Variants in GOLGA6L22 observed in about 807,000 individuals in gnomAD.
GOLGA6L22 encodes the protein golgin A6 family like 22.
A neutral mutation model predicts 77.1 loss-of-function variants in GOLGA6L22; 28 were observed. The ratio of observed to expected loss-of-function variants is 0.36; its 90% CI spans 0.27 to 0.50. The LOEUF is 0.50. GOLGA6L22 is among the 20% of genes least tolerant of loss of function. The pLI is 0.97. For missense variants in GOLGA6L22, 250 were observed against 620.4 expected (o/e 0.40, Z 6.34); for synonymous variants, 62 against 185.3 (o/e 0.33, Z 5.41).
intron 5 of GOLGA6L22, among the ~76,000 whole-genome samples, chr15:22,463,435 T>C (rs1287797752): frequency 7.3e-6 from 1 of 137,620 alleles, no homozygotes; most frequent in African/African-American, 2.9e-5. Context: ...GCGGATCACC[T>C]GCGGTCAGGA....
chr15:22,461,808 T>TG (rs1887536894), intron 2 of GOLGA6L22, among the ~76,000 whole-genome samples: 1 of 118,126 alleles, frequency 8.5e-6, no homozygotes, highest in Admixed American at 8.1e-5. Flanking sequence ...ACATGACCGC[T>TG]GGGTTTGGGG....
chr15:22,463,722 T>A (rs1887594352), intron 5 of GOLGA6L22, 119 bp from the exon 6 acceptor site: 3 of 519,762 alleles, frequency 5.8e-6, no homozygotes, highest in Non-Finnish European at 1.0e-5. Flanking sequence ...TGAGAACACG[T>A]CAGGTGTGAT....
rs1328411647 is a variant in GOLGA6L22 at position 22,464,623 on chromosome 15, T to C, written c.633+252T>C. Among the ~76,000 whole-genome samples the C allele has an allele frequency of 7.6e-5, 9 of 118,472 alleles. 1 individual carries two copies. Among genetic ancestry groups the C allele is most frequent in the Admixed American group, 6.8e-4 (8 of 11,686 alleles). 77.7% of individuals were successfully genotyped at this position (118,472 alleles called of 152,430 possible). ...ATCATGGATGAAAACCATTATTTTA[T>C]AGATTACATTTATTTATTTATTTAT... On this transcript the variant is annotated intron_variant, in intron 7 of 8. Coordinates refer to ENST00000622895, the Ensembl canonical transcript of GOLGA6L22.
chr15:22,465,975 T>C, exon 8 of GOLGA6L22: 3 of 879,566 alleles, frequency 3.4e-6, no homozygotes, highest in Non-Finnish European at 4.9e-6. Context: ...GAGGAGAAGA[T>C]ACGGGAGCAG....
At position 22,466,450 on chromosome 15, in the gene GOLGA6L22, G is replaced by A. The variant is rs761302455; in HGVS notation, c.2058G>A (p.Glu686=). The change falls in exon 8 of 9, where the codon GAG becomes GAA. Residue 686 remains glutamate (E), a synonymous_variant. Transcript: ENST00000622895. ...AGGAGAAGATGCGGAGGCAGGAGGAGAAGATAAGGGAGCAGGAGAAGAAGA... is the reference window on the plus strand; with the variant it reads ...AGGAGAAGATGCGGAGGCAGGAGGAAAAGATAAGGGAGCAGGAGAAGAAGA... 8.4e-6 allele frequency: 6 copies of A among 715,636 alleles called. 1 individual carries two copies. The highest frequency in any genetic ancestry group is 7.0e-5 in the Admixed American group (3 of 42,778). The allele number at this position is 715,636 out of a possible 1,614,324, so 44.3% of individuals were successfully genotyped here. A position where few individuals can be genotyped will look rare whatever the true frequency, so the allele number is the denominator to read the frequency against.
chr15:22,466,354 G>C, exon 8 of GOLGA6L22: 1 of 1,356,826 alleles, frequency 7.4e-7, no homozygotes, highest in Non-Finnish European at 9.9e-7. Flanking sequence ...AGATGATGCA[G>C]GAACAGGAAG....
At chr15:22,459,045 C>T, upstream of GOLGA6L22, 1 of 101,882 alleles carries the variant, frequency 9.8e-6, no homozygotes, top group Non-Finnish European at 1.6e-5. Context: ...CCTCCCTACC[C>T]ATCCCCACCT....
exon 8 of GOLGA6L22, chr15:22,466,106 G>A (rs1193865793): frequency 9.7e-7 from 1 of 1,035,518 alleles, no homozygotes; most frequent in Non-Finnish European, 1.4e-6. Flanking sequence ...GAAGATACGG[G>A]AGCAGGAGGA....
exon 8 of GOLGA6L22, chr15:22,466,318 G>A: frequency 8.6e-7 from 1 of 1,165,670 alleles, no homozygotes; most frequent in South Asian, 1.4e-5. Flanking sequence ...TATGGGAGCA[G>A]GAGGAGAAGA....
chr15:22,466,889 G>A, intron 8 of GOLGA6L22, 64 bp downstream of exon 8: 1 of 444,392 alleles, frequency 2.3e-6, no homozygotes, highest in East Asian at 3.2e-5. Context: ...GCTCTTGGGG[G>A]GAGCAGGCGG....
In GOLGA6L22 at chr15:22,461,938, G is replaced by C. The variant is rs1236616105; in HGVS notation, c.181-96G>C. ...CCTGATAAACTGGTCCCATGGGTGG[G>C]CCTGTTCTGGGACAGTGGTGCCATT... On this transcript the variant is annotated intron_variant, in intron 2 of 8. Coordinates refer to ENST00000622895, the Ensembl canonical transcript of GOLGA6L22. 2.4e-6 allele frequency: 3 copies of C among 1,264,162 alleles called. No homozygotes were observed. In the East Asian group the frequency reaches 7.4e-5, roughly 31 times the overall value. The allele number at this position is 1,264,162 out of a possible 1,614,324, so 78.3% of individuals were successfully genotyped here.
exon 8 of GOLGA6L22, chr15:22,466,425 A>T (rs1887723251): frequency 3.8e-6 from 5 of 1,321,620 alleles, no homozygotes; most frequent in Non-Finnish European, 5.1e-6. Flanking sequence ...CAAGAACAGG[A>T]GGAGAAGATG....
At chr15:22,461,853 C>A in intron 2 of GOLGA6L22, among the ~76,000 whole-genome samples, 181 bp from the exon 3 acceptor site, 2 of 123,224 alleles carry the variant, frequency 1.6e-5, no homozygotes, top group East Asian at 4.1e-4. Flanking sequence ...CTCATTTCAC[C>A]CACTCCCAGC....
In GOLGA6L22 at chr15:22,465,548, G is replaced by T; in HGVS notation, c.1156G>T (p.Glu386Ter). The T allele has an allele frequency of 2.2e-6, 1 of 456,666 alleles. No individual in the cohort carries two copies. Among genetic ancestry groups the T allele is most frequent in the South Asian group, 2.3e-5 (1 of 44,012 alleles). The allele number at this position is 456,666 out of a possible 1,614,324, so 28.3% of individuals were successfully genotyped here. The stretch of plus-strand genomic sequence containing the variant: ...GCAGGAGGAGAAGATTCACGAGCAG[G>T]AGAAGATACGGGAGGAGGAGAAGAG... The change falls in exon 8 of 9, where the codon GAG becomes TAG. Residue 386 changes from glutamate (E) to a stop codon, truncating the protein, a stop_gained. Transcript: ENST00000622895. LOFTEE classifies it high-confidence loss of function.
In GOLGA6L22 at chr15:22,463,002, T is replaced by G. The variant is rs538879199; in HGVS notation, c.432+534T>G. Reference sequence around the variant, plus strand: ...TTCAAAAATTCAACAAAGGATTAATTTCCTCCTTCTTAACTGTGCCCCTAC... The same window carrying G: ...TTCAAAAATTCAACAAAGGATTAATGTCCTCCTTCTTAACTGTGCCCCTAC... On this transcript the variant is annotated intron_variant, in intron 5 of 8. Coordinates refer to ENST00000622895, the Ensembl canonical transcript of GOLGA6L22. 8.9e-5 allele frequency among the ~76,000 whole-genome samples: 12 copies of G among 135,004 alleles called. No homozygotes were observed. The South Asian group carries it at 2.4e-3, about 27-fold the overall frequency. 88.6% of individuals were successfully genotyped at this position (135,004 alleles called of 152,430 possible). A position where few individuals can be genotyped will look rare whatever the true frequency, so the allele number is the denominator to read the frequency against.
exon 8 of GOLGA6L22, chr15:22,465,368 G>C (rs1356375746): frequency 2.4e-6 from 1 of 417,586 alleles, no homozygotes; most frequent in Admixed American, 5.6e-5. Context: ...GCACGAGCAG[G>C]AGAAGATACG....
chr15:22,463,649 CAAAA>C (rs1201964026), intron 5 of GOLGA6L22, among the ~76,000 whole-genome samples, 188 bp from the exon 6 acceptor site: 1 of 116,250 alleles, frequency 8.6e-6, no homozygotes, highest in Admixed American at 9.1e-5. Flanking sequence ...GAAACTCTGC[CAAAA>C]AAAAAAAGAA....
Position 22,461,938 on chromosome 15 carries a change from G to A in GOLGA6L22, c.181-96G>A. ...CCTGATAAACTGGTCCCATGGGTGG[G>A]CCTGTTCTGGGACAGTGGTGCCATT... On this transcript the variant is annotated intron_variant, in intron 2 of 8. Coordinates refer to ENST00000622895, the Ensembl canonical transcript of GOLGA6L22. 8 of 1,264,162 alleles carry A rather than the reference G, an allele frequency of 6.3e-6. 3 individuals are homozygous for A. Among genetic ancestry groups the A allele is most frequent in the Non-Finnish European group, 2.2e-6 (2 of 923,662 alleles). The allele number at this position is 1,264,162 out of a possible 1,614,324, so 78.3% of individuals were successfully genotyped here. A position where few individuals can be genotyped will look rare whatever the true frequency, so the allele number is the denominator to read the frequency against.
intron 2 of GOLGA6L22, 117 bp from the exon 3 acceptor site, chr15:22,461,917 A>T (rs1446222009): frequency 2.0e-6 from 2 of 1,006,966 alleles, no homozygotes; most frequent in Non-Finnish European, 2.9e-6. Context: ...AGGGTCCCTG[A>T]TAAACTGGTC....
Sources: gnomAD v4.1 joint callset for allele counts (sites outside exome capture counted in the v4.1 genomes callset) on GRCh38, gnomAD v4.1.1 for gene constraint, MANE v1.5 for transcripts, NCBI Gene and HGNC (gene_info 2026-07-23, HGNC 2026-07-21) for gene names.